TLL1: variants seen among roughly 807,000 people sequenced by gnomAD.
The protein encoded by TLL1 is tolloid like 1.
A neutral mutation model predicts 128.2 loss-of-function variants in TLL1; 49 were observed. The observed-to-expected ratio is 0.38, with a 90% CI of 0.30 to 0.48. The LOEUF is 0.48. TLL1 is among the 20% of genes least tolerant of loss of function. The probability of loss-of-function intolerance (pLI) is 0.96; values close to 1 mark genes in which losing one functional copy is unlikely to be tolerated. For synonymous variants in TLL1, 454 were observed against 418.8 expected, an observed-to-expected ratio of 1.08 and a Z score of -1.03; for missense variants, 1,123 against 1,242.0, an observed-to-expected ratio of 0.90 and a Z score of 1.44.
chr4:165,911,137 TTCTA>T (rs1380157081), intron 1 of TLL1, among the ~76,000 whole-genome samples: 8 of 152,208 alleles, frequency 5.3e-5, no homozygotes, highest in South Asian at 4.1e-4. Context: ...AACTTATTCC[TTCTA>T]TCTAACTGTG....
At chr4:165,882,669 A>G (rs1488116974) in intron 1 of TLL1, among the ~76,000 whole-genome samples, 1 of 152,032 alleles carries the variant, frequency 6.6e-6, no homozygotes, top group Non-Finnish European at 1.5e-5. Flanking sequence ...CCCAGGCTGG[A>G]GTGCAGTGGT....
intron 1 of TLL1, among the ~76,000 whole-genome samples, chr4:165,961,319 C>T (rs1437223780): frequency 6.6e-6 from 1 of 151,988 alleles, no homozygotes; most frequent in Non-Finnish European, 1.5e-5. Context: ...AGAAATCAGA[C>T]ATGTCACAAA....
chr4:165,972,339 T>G (rs1027964730), intron 1 of TLL1, among the ~76,000 whole-genome samples: 1 of 152,234 alleles, frequency 6.6e-6, no homozygotes, highest in Non-Finnish European at 1.5e-5. Context: ...AAGATATGAC[T>G]GTTGGCACCT....
chr4:165,919,124 G>T (rs192437907), intron 1 of TLL1, among the ~76,000 whole-genome samples: 1 of 152,114 alleles, frequency 6.6e-6, no homozygotes, highest in Admixed American at 6.5e-5. Flanking sequence ...GCTCACACCT[G>T]TAGTCCCAGC....
At chr4:166,001,759 C>A (rs569443714) in intron 5 of TLL1, among the ~76,000 whole-genome samples, 68 of 147,612 alleles carry the variant, frequency 4.6e-4, no homozygotes, top group African/African-American at 1.6e-3. Context: ...TGTGCCACTG[C>A]ACACCAGCCT....
At chr4:166,088,272 G>C (rs915307033) in intron 18 of TLL1, among the ~76,000 whole-genome samples, 6 of 152,146 alleles carry the variant, frequency 3.9e-5, no homozygotes, top group Middle Eastern at 6.8e-3. Flanking sequence ...TTATTATTTA[G>C]ATATTGAGAT....
intron 1 of TLL1, among the ~76,000 whole-genome samples, chr4:165,929,058 T>C (rs1201616058): frequency 6.6e-6 from 1 of 152,148 alleles, no homozygotes; most frequent in East Asian, 1.9e-4. Context: ...CGTGGAGAAG[T>C]TGACGGCAGA....
chr4:165,926,222 G>A (rs1168693277), intron 1 of TLL1, among the ~76,000 whole-genome samples: 7 of 152,146 alleles, frequency 4.6e-5, no homozygotes. Flanking sequence ...TATTGAAATA[G>A]AAGTACTATA....
chr4:166,081,939 CT>C (rs1263780265), intron 18 of TLL1, among the ~76,000 whole-genome samples: 1 of 152,014 alleles, frequency 6.6e-6, no homozygotes, highest in Non-Finnish European at 1.5e-5. Flanking sequence ...CAATCTGTTC[CT>C]TCACACATTG....
intron 10 of TLL1, among the ~76,000 whole-genome samples, chr4:166,041,375 A>C (rs1442568496): frequency 3.4e-5 from 5 of 148,294 alleles, no homozygotes; most frequent in African/African-American, 1.2e-4. Flanking sequence ...ATCTCGGCTC[A>C]CTGCAACCTC....
intron 16 of TLL1, among the ~76,000 whole-genome samples, chr4:166,071,240 A>G (rs1740796489): frequency 6.6e-6 from 1 of 151,900 alleles, no homozygotes. Flanking sequence ...CAAGAACTTG[A>G]TACAGGTTGC....
chr4:165,913,991 A>G (rs931827156), intron 1 of TLL1, among the ~76,000 whole-genome samples: 4 of 151,684 alleles, frequency 2.6e-5, no homozygotes, highest in African/African-American at 9.7e-5. Context: ...TCCAGCCTGG[A>G]TGCCTGGGTG....
chr4:165,910,450 A>T (rs1054931231), intron 1 of TLL1, among the ~76,000 whole-genome samples: 6 of 152,332 alleles, frequency 3.9e-5, no homozygotes, highest in African/African-American at 1.4e-4. Flanking sequence ...CCAGTAGAAA[A>T]ATGTGGCTCA....
intron 7 of TLL1, among the ~76,000 whole-genome samples, chr4:166,012,120 T>C (rs11931041): frequency 0.19 from 28,744 of 151,426 alleles, 3,058 homozygotes; most frequent in East Asian, 0.37. Flanking sequence ...ATTTTTCATT[T>C]AAAAAGTCGT....
chr4:165,917,022 T>C (rs1456050711), intron 1 of TLL1, among the ~76,000 whole-genome samples: 3 of 152,156 alleles, frequency 2.0e-5, no homozygotes, highest in Admixed American at 2.0e-4. Context: ...TTTAATACAT[T>C]AGAGTTTATT....
chr4:165,878,020 A>G (rs1730797855), intron 1 of TLL1, among the ~76,000 whole-genome samples: 1 of 152,120 alleles, frequency 6.6e-6, no homozygotes, highest in South Asian at 2.1e-4. Flanking sequence ...AAACCTAGAA[A>G]TAGGCTTTTG....
At position 165,964,544 on chromosome 4, in the gene TLL1, T is replaced by C. The variant is rs73863506; in HGVS notation, c.170-24837T>C. On this transcript the variant is annotated intron_variant, in intron 1 of 20. Coordinates refer to ENST00000061240, the MANE Select transcript of TLL1 (RefSeq NM_012464.5). ...TGTTTGAGATGTAACTCTGGATAGT[T>C]ATTAAATCTCTCTTATATTTAGTCT... is the stretch of plus-strand genomic sequence containing the variant. Among the ~76,000 whole-genome samples, 789 of 152,272 alleles carry C rather than the reference T, an allele frequency of 5.2e-3. 12 individuals carry two copies. The highest frequency in any genetic ancestry group is 0.018 in the African/African-American group (734 of 41,538).
intron 1 of TLL1, among the ~76,000 whole-genome samples, chr4:165,951,157 C>A (rs1447320293): frequency 6.6e-6 from 1 of 152,008 alleles, no homozygotes; most frequent in Non-Finnish European, 1.5e-5. Context: ...ATGAAATAGA[C>A]AAATTATTTG....
intron 11 of TLL1, among the ~76,000 whole-genome samples, chr4:166,042,525 A>G (rs1197940819): frequency 1.3e-5 from 2 of 152,200 alleles, no homozygotes; most frequent in African/African-American, 4.8e-5. Flanking sequence ...AGGAAATTGC[A>G]CAGAAAGTAA....
Sources: gnomAD v4.1 joint callset for allele counts (sites outside exome capture counted in the v4.1 genomes callset) on GRCh38, gnomAD v4.1.1 for gene constraint, MANE v1.5 for transcripts, NCBI Gene and HGNC (gene_info 2026-07-23, HGNC 2026-07-21) for gene names.